DCC: variants seen among roughly 807,000 people sequenced by gnomAD.
DCC encodes the protein netrin receptor DCC.
DCC carries 58 observed loss-of-function variants against 172.5 expected under a neutral mutation model. That is an observed-to-expected ratio of 0.34 (90% CI 0.27 to 0.42). The LOEUF (loss-of-function observed/expected upper bound fraction) is 0.42, where lower values mean the gene tolerates loss of function less well. Among genes scored for constraint, DCC ranks in the 10% least tolerant of loss-of-function variants. The pLI is 1.00. For synonymous variants in DCC, 709 were observed against 644.5 expected (o/e 1.10, Z -1.52); for missense variants, 1,740 against 1,791.0 (o/e 0.97, Z 0.51).
rs565930350 is a variant in DCC, at chr18:52,933,234, G to A, written c.985+7864G>A. On this transcript the variant is annotated intron_variant, in intron 5 of 28. Coordinates refer to ENST00000442544, the MANE Select transcript of DCC (RefSeq NM_005215.4). ...CTGTTGAGTGCCTCTTGTGTACTAAGCATTCCGCCAAGTAGTCTTTGGGCA... is the reference window on the plus strand; with the variant it reads ...CTGTTGAGTGCCTCTTGTGTACTAAACATTCCGCCAAGTAGTCTTTGGGCA... 2.0e-5 allele frequency among the ~76,000 whole-genome samples: 3 copies of A among 152,174 alleles called. No homozygotes were observed. In the East Asian group the frequency reaches 5.8e-4, roughly 29 times the overall value.
intron 5 of DCC, among the ~76,000 whole-genome samples, chr18:53,012,961 A>G (rs2041752301): frequency 6.6e-6 from 1 of 152,208 alleles, no homozygotes; most frequent in Non-Finnish European, 1.5e-5. Flanking sequence ...GCCAACAAAT[A>G]TGTGAAAAAT....
Position 52,460,407 on chromosome 18 carries a change from A to G in DCC, c.91+119529A>G, listed in dbSNP as rs1988595075. The stretch of plus-strand genomic sequence containing the variant: ...CCCTCTTTTTTTCAACACTTTCTTT[A>G]CTTAGCTTCCAAGATAGTAAACTCT... On this transcript the variant is annotated intron_variant, in intron 1 of 28. Coordinates refer to ENST00000442544, the MANE Select transcript of DCC (RefSeq NM_005215.4). 2.6e-5 allele frequency among the ~76,000 whole-genome samples: 4 copies of G among 152,018 alleles called. No homozygotes were observed. In the South Asian group the frequency reaches 8.3e-4, roughly 32 times the overall value.
intron 5 of DCC, among the ~76,000 whole-genome samples, chr18:52,953,028 A>AAAAAAC (rs2040682314): frequency 1.4e-5 from 2 of 143,752 alleles, no homozygotes; most frequent in African/African-American, 2.6e-5. Flanking sequence ...AAAAAAAAAA[A>AAAAAAC]CTCATAACAT....
At chr18:53,316,366 T>C (rs78148731) in intron 13 of DCC, among the ~76,000 whole-genome samples, 1 of 152,158 alleles carries the variant, frequency 6.6e-6, no homozygotes, top group Non-Finnish European at 1.5e-5. Context: ...GCTTATAGTA[T>C]AGATTGAAGT....
chr18:53,133,117 A>G (rs2043683054), intron 7 of DCC, among the ~76,000 whole-genome samples: 1 of 152,278 alleles, frequency 6.6e-6, no homozygotes, highest in South Asian at 2.1e-4. Flanking sequence ...TAGTTATCAC[A>G]TGGCATTGAC....
At chr18:52,670,542 C>A (rs2035532792) in intron 1 of DCC, among the ~76,000 whole-genome samples, 2 of 152,106 alleles carry the variant, frequency 1.3e-5, no homozygotes, top group African/African-American at 4.8e-5. Context: ...TTTATCTGTA[C>A]ATAATTCTGA....
At chr18:52,988,808 T>C (rs1308952719) in intron 5 of DCC, among the ~76,000 whole-genome samples, 4 of 152,134 alleles carry the variant, frequency 2.6e-5, no homozygotes, top group Admixed American at 2.6e-4. Flanking sequence ...ACATGTAATT[T>C]TTTGTGGGCT....
At chr18:52,895,160 T>A (rs888766862) in intron 2 of DCC, among the ~76,000 whole-genome samples, 1 of 152,220 alleles carries the variant, frequency 6.6e-6, no homozygotes, top group African/African-American at 2.4e-5. Flanking sequence ...TTTTCTGCTT[T>A]TGAAGGATTT....
intron 1 of DCC, among the ~76,000 whole-genome samples, chr18:52,652,090 A>T (rs988663792): frequency 3.3e-5 from 5 of 152,222 alleles, no homozygotes; most frequent in Non-Finnish European, 5.9e-5. Context: ...TGCAGATGAG[A>T]CAAGAACTAG....
intron 27 of DCC, among the ~76,000 whole-genome samples, chr18:53,510,348 G>A (rs994859739): frequency 4.6e-5 from 7 of 152,170 alleles, no homozygotes; most frequent in African/African-American, 1.2e-4. Flanking sequence ...GGGAGGGTAA[G>A]TGAACCCATG....
At chr18:52,755,964 G>A (rs563810254) in intron 2 of DCC, among the ~76,000 whole-genome samples, 57 of 152,208 alleles carry the variant, frequency 3.7e-4, no homozygotes, top group Non-Finnish European at 5.4e-4. Flanking sequence ...GCTGGAGAGG[G>A]AAGGAAAGTA....
chr18:52,661,557 G>T (rs1598997197), intron 1 of DCC, among the ~76,000 whole-genome samples: 1 of 152,228 alleles, frequency 6.6e-6, no homozygotes, highest in Non-Finnish European at 1.5e-5. Context: ...GCCTCCACAG[G>T]AGATGGGAGA....
At chr18:53,132,678 G>T (rs2043676140) in intron 7 of DCC, among the ~76,000 whole-genome samples, 1 of 152,156 alleles carries the variant, frequency 6.6e-6, no homozygotes, top group Non-Finnish European at 1.5e-5. Flanking sequence ...AGGAGAGAGT[G>T]GTGTCAGGAC....
intron 2 of DCC, among the ~76,000 whole-genome samples, chr18:52,784,231 G>A (rs1467717132): frequency 6.7e-6 from 1 of 149,992 alleles, no homozygotes; most frequent in Non-Finnish European, 1.5e-5. Flanking sequence ...CTCCATTTCT[G>A]TGTTGCTGCA....
chr18:53,113,701 G>T (rs1413791697), intron 7 of DCC, among the ~76,000 whole-genome samples: 1 of 104,378 alleles, frequency 9.6e-6, no homozygotes, highest in Non-Finnish European at 1.9e-5. Context: ...TTTTATTTTT[G>T]TCAAAAACCT....
intron 25 of DCC, among the ~76,000 whole-genome samples, chr18:53,479,971 A>C (rs1274988276): frequency 6.6e-6 from 1 of 152,218 alleles, no homozygotes; most frequent in Admixed American, 6.5e-5. Context: ...TGGTCTGCTT[A>C]GAAAAGAATA....
chr18:53,104,596 T>C (rs1476846883), intron 7 of DCC, among the ~76,000 whole-genome samples: 1 of 152,034 alleles, frequency 6.6e-6, no homozygotes, highest in Non-Finnish European at 1.5e-5. Flanking sequence ...CACCTAGCTA[T>C]TTGATTTTCT....
chr18:52,493,917 A>G (rs1388810848), intron 1 of DCC, among the ~76,000 whole-genome samples: 1 of 152,090 alleles, frequency 6.6e-6, no homozygotes, highest in African/African-American at 2.4e-5. Context: ...CTTGAAATAT[A>G]ATCACATATT....
chr18:53,207,716 G>C lies in DCC; in HGVS notation c.1760G>C (p.Gly587Ala), dbSNP rs747002866. 3 of 1,613,518 alleles carry C rather than the reference G, an allele frequency of 1.9e-6. No homozygotes were observed. The highest frequency in any genetic ancestry group is 3.3e-5 in the Admixed American group (2 of 59,988). Residue 587 changes from glycine (G) to alanine (A), a missense_variant, in exon 11 of 29, where the codon GGC becomes GCC. This residue lies in a region of DCC where 1,732 missense variants were observed against 1,767.4 expected (regional missense o/e 0.98). Coordinates refer to ENST00000442544, the MANE Select transcript of DCC (RefSeq NM_005215.4). ...GATGGACTATCTTATAAACTGGAAG[G>C]CCTGAAAAAATTCACCGAATATAGT... is the stretch of plus-strand genomic sequence containing the variant. ...EVDGLSYKLE[G>A]LKKFTEYSLR...
Sources: gnomAD v4.1 joint callset for allele counts (sites outside exome capture counted in the v4.1 genomes callset) on GRCh38, gnomAD v4.1.1 for gene constraint, gnomAD v4.1.1 regional missense constraint, MANE v1.5 for transcripts, NCBI Gene and HGNC (gene_info 2026-07-23, HGNC 2026-07-21) for gene names.